GPM6B: variants seen among roughly 807,000 people sequenced by gnomAD.
GPM6B encodes glycoprotein M6B, also known as neuronal membrane glycoprotein M6-b.
In GPM6B, 4 loss-of-function variants were observed where a neutral mutation model predicts 27.2. That is an observed-to-expected ratio of 0.15 (90% CI 0.07 to 0.34). The LOEUF (loss-of-function observed/expected upper bound fraction) is 0.34. Among genes scored for constraint, GPM6B ranks in the 10% least tolerant of loss-of-function variants. The pLI is 1.00. For missense variants in GPM6B, 183 were observed against 261.9 expected (o/e 0.70, Z 2.08); for synonymous variants, 124 against 103.1 (o/e 1.20, Z -1.23).
At chrX:13,840,165 T>C (rs2049555436) in intron 1 of GPM6B, among the ~76,000 whole-genome samples, 1 of 112,340 alleles carries the variant, frequency 8.9e-6, no homozygotes, top group Non-Finnish European at 1.9e-5. Context: ...CGAAAAGTTT[T>C]AAAGACATAT....
At chrX:13,785,885 G>C in intron 2 of GPM6B, 77 bp from the exon 3 acceptor site, 3 of 826,031 alleles carry the variant, frequency 3.6e-6, no homozygotes, top group Non-Finnish European at 5.2e-6. Flanking sequence ...CATATTCACA[G>C]AGAAGGCTTA....
chrX:13,788,626 T>C (rs991219278), intron 2 of GPM6B, among the ~76,000 whole-genome samples: 4 of 110,108 alleles, frequency 3.6e-5, no homozygotes, highest in African/African-American at 9.9e-5. Flanking sequence ...TTAGGTGTTA[T>C]GGTGCAGCAC....
intron 1 of GPM6B, among the ~76,000 whole-genome samples, chrX:13,852,176 C>T (rs963331796): frequency 9.0e-6 from 1 of 110,866 alleles, no homozygotes; most frequent in African/African-American, 3.3e-5. Flanking sequence ...ACTCTGCCAC[C>T]GTAGCAAAAA....
intron 7 of GPM6B, chrX:13,774,474 C>T: frequency 1.7e-6 from 2 of 1,196,250 alleles, no homozygotes; most frequent in Non-Finnish European, 2.3e-6. Flanking sequence ...AACCTAGACT[C>T]TGCTTTAGTC....
chrX:13,833,901 C>A (rs771939095), intron 1 of GPM6B, among the ~76,000 whole-genome samples: 1 of 112,539 alleles, frequency 8.9e-6, no homozygotes, highest in African/African-American at 3.2e-5. Flanking sequence ...TGGGCTTTGT[C>A]TTTGGTTCAT....
chrX:13,825,965 A>C (rs927778937), intron 1 of GPM6B, among the ~76,000 whole-genome samples: 2 of 111,575 alleles, frequency 1.8e-5, no homozygotes, highest in Non-Finnish European at 3.8e-5. Context: ...AGGAAGAGGA[A>C]ATAGAGGGAA....
At chrX:13,875,377 A>C (rs746810518) in intron 1 of GPM6B, among the ~76,000 whole-genome samples, 1 of 111,767 alleles carries the variant, frequency 8.9e-6, no homozygotes, top group African/African-American at 3.3e-5. Context: ...AAAAGGAATC[A>C]AGGTGGAGGC....
At chrX:13,807,553 A>C (rs897215608) in intron 2 of GPM6B, 97 bp downstream of exon 2, 53 of 727,978 alleles carry the variant, frequency 7.3e-5, no homozygotes, top group Non-Finnish European at 9.6e-5. Context: ...TGCACCAAGC[A>C]AAACATAAAA....
At chrX:13,877,209 T>C (rs1195644183) in intron 1 of GPM6B, among the ~76,000 whole-genome samples, 2 of 112,016 alleles carry the variant, frequency 1.8e-5, no homozygotes, top group Non-Finnish European at 3.8e-5. Context: ...ATGCATCATC[T>C]AGCAGTTGAA....
intron 1 of GPM6B, among the ~76,000 whole-genome samples, chrX:13,830,780 T>C (rs1415552897): frequency 1.8e-5 from 2 of 111,987 alleles, no homozygotes; most frequent in Non-Finnish European, 3.8e-5. Flanking sequence ...AGAGAGAAAC[T>C]GGAAGAAAGG....
At chrX:13,925,517 G>T in intron 1 of GPM6B, among the ~76,000 whole-genome samples, 1 of 89,625 alleles carries the variant, frequency 1.1e-5, no homozygotes. Context: ...TGGTAGAGAT[G>T]GGGTCTCGCT....
At chrX:13,789,841 T>G (rs746681481) in intron 2 of GPM6B, among the ~76,000 whole-genome samples, 3 of 111,114 alleles carry the variant, frequency 2.7e-5, no homozygotes, top group Non-Finnish European at 5.7e-5. Flanking sequence ...ACTGCGTTTT[T>G]TTTTTGTTTT....
chrX:13,811,752 C>T (rs1442369892), intron 1 of GPM6B, among the ~76,000 whole-genome samples: 1 of 112,028 alleles, frequency 8.9e-6, no homozygotes, highest in Non-Finnish European at 1.9e-5. Flanking sequence ...GGCTTGGCTA[C>T]ATAAAGCAGT....
chrX:13,822,763 G>A (rs1034329143), intron 1 of GPM6B, among the ~76,000 whole-genome samples: 1 of 111,468 alleles, frequency 9.0e-6, no homozygotes, highest in Non-Finnish European at 1.9e-5. Context: ...TCTACTTGGA[G>A]AAAACAGAAT....
At chrX:13,824,126 C>A (rs1417775232) in intron 1 of GPM6B, among the ~76,000 whole-genome samples, 1 of 111,907 alleles carries the variant, frequency 8.9e-6, no homozygotes, top group Non-Finnish European at 1.9e-5. Flanking sequence ...CTGTCCTGGG[C>A]ATTGTGGATG....
intron 1 of GPM6B, among the ~76,000 whole-genome samples, chrX:13,917,146 A>G: frequency 9.0e-6 from 1 of 111,625 alleles, no homozygotes; most frequent in Non-Finnish European, 1.9e-5. Context: ...CAGGAGGCCG[A>G]GGTTGCAATG....
At chrX:13,843,030 G>A (rs978537241) in intron 1 of GPM6B, among the ~76,000 whole-genome samples, 76 of 110,479 alleles carry the variant, frequency 6.9e-4, no homozygotes, top group African/African-American at 2.4e-3. Flanking sequence ...CTGTTAACAC[G>A]ATCTAATTTT....
intron 1 of GPM6B, among the ~76,000 whole-genome samples, chrX:13,809,440 CAGGCTTCTTAAAATTTCTT>C (rs2049083759): frequency 9.0e-6 from 1 of 111,498 alleles, no homozygotes; most frequent in Non-Finnish European, 1.9e-5. Context: ...GATGTTATCT[CAGGCTTCTTAAAATTTCTT>C]AACTTTCAGT....
chrX:13,891,426 A>C (rs1051151794), intron 1 of GPM6B, among the ~76,000 whole-genome samples: 23 of 110,426 alleles, frequency 2.1e-4, no homozygotes, highest in Non-Finnish European at 4.2e-4. Flanking sequence ...CCAAAAAAAA[A>C]CCAAACAACA....
Sources: gnomAD v4.1 joint callset for allele counts (sites outside exome capture counted in the v4.1 genomes callset) on GRCh38, gnomAD v4.1.1 for gene constraint, MANE v1.5 for transcripts, NCBI Gene and HGNC (gene_info 2026-07-23, HGNC 2026-07-21) for gene names.